Variants in CFAP61 observed in about 807,000 individuals in gnomAD.
The protein encoded by CFAP61 is cilia- and flagella-associated protein 61.
CFAP61 carries 107 observed loss-of-function variants against 135.6 expected under a neutral mutation model. The observed-to-expected ratio is 0.79, with a 90% CI of 0.67 to 0.93. CFAP61 has a LOEUF of 0.93. Among genes scored for constraint, CFAP61 ranks in the 40% least tolerant of loss-of-function variants. The probability of loss-of-function intolerance (pLI) is 0.00; values close to 1 mark genes in which losing one functional copy is unlikely to be tolerated. For missense variants in CFAP61, 1,507 were observed against 1,556.2 expected (o/e 0.97, Z 0.53); for synonymous variants, 575 against 578.5 (o/e 0.99, Z 0.09).
chr20:20,187,356 A>G (rs1467099305), intron 13 of CFAP61, among the ~76,000 whole-genome samples: 1 of 152,168 alleles, frequency 6.6e-6, no homozygotes, highest in East Asian at 1.9e-4. Flanking sequence ...GTAGGAGAAA[A>G]CCATCATGGA....
At chr20:20,135,960 G>A (rs2050890250) in intron 8 of CFAP61, among the ~76,000 whole-genome samples, 1 of 144,756 alleles carries the variant, frequency 6.9e-6, no homozygotes, top group Non-Finnish European at 1.5e-5. Flanking sequence ...GTCTAGGAAA[G>A]TCTTTATTAC....
chr20:20,071,759 C>T (rs2045722059), intron 3 of CFAP61, among the ~76,000 whole-genome samples: 1 of 152,186 alleles, frequency 6.6e-6, no homozygotes, highest in East Asian at 1.9e-4. Context: ...CACACATACA[C>T]ACACCCGTAA....
chr20:20,288,980 G>A, intron 23 of CFAP61, 44 bp downstream of exon 23: 1 of 1,518,884 alleles, frequency 6.6e-7, no homozygotes, highest in East Asian at 2.3e-5. Flanking sequence ...CCACAGATTA[G>A]GTATGGCTCA....
chr20:20,344,218 G>A (rs376235592), intron 26 of CFAP61, among the ~76,000 whole-genome samples: 16 of 152,276 alleles, frequency 1.1e-4, no homozygotes, highest in East Asian at 3.9e-4. Flanking sequence ...GTGGCCAGCC[G>A]TCCCACCTCA....
At chr20:20,279,436 A>G (rs893948595) in intron 22 of CFAP61, among the ~76,000 whole-genome samples, 15 of 152,348 alleles carry the variant, frequency 9.8e-5, no homozygotes, top group Non-Finnish European at 1.2e-4. Context: ...AGTAAACTAG[A>G]GAAAAGAAAA....
At chr20:20,059,429 C>G (rs527426362) in intron 2 of CFAP61, among the ~76,000 whole-genome samples, 1 of 149,866 alleles carries the variant, frequency 6.7e-6, no homozygotes, top group African/African-American at 2.4e-5. Context: ...CCAACCTGGC[C>G]TATATGGCAA....
chr20:20,227,843 A>C (rs1324353686), intron 17 of CFAP61, among the ~76,000 whole-genome samples: 1 of 152,222 alleles, frequency 6.6e-6, no homozygotes, highest in Admixed American at 6.5e-5. Context: ...TTTGTCACTC[A>C]AGGTTTCAGG....
chr20:20,165,235 T>C (rs998839433), intron 11 of CFAP61, among the ~76,000 whole-genome samples: 17 of 152,164 alleles, frequency 1.1e-4, no homozygotes, highest in Non-Finnish European at 2.4e-4. Flanking sequence ...CCCAGCTTTT[T>C]CCAGCCAAAG....
intron 6 of CFAP61, among the ~76,000 whole-genome samples, chr20:20,075,949 G>A (rs918634484): frequency 8.6e-5 from 13 of 151,936 alleles, no homozygotes; most frequent in South Asian, 2.1e-4. Flanking sequence ...CAGTTTTCTC[G>A]GTAAAACCCA....
intron 20 of CFAP61, among the ~76,000 whole-genome samples, chr20:20,256,322 A>G (rs963306030): frequency 6.6e-6 from 1 of 152,206 alleles, no homozygotes; most frequent in Non-Finnish European, 1.5e-5. Flanking sequence ...AAGATAACAC[A>G]GTAAGAGAAA....
intron 20 of CFAP61, among the ~76,000 whole-genome samples, chr20:20,260,962 T>C (rs1028563286): frequency 1.3e-5 from 2 of 152,220 alleles, no homozygotes; most frequent in Non-Finnish European, 2.9e-5. Context: ...GTGGGCTGCT[T>C]TATAATAACT....
chr20:20,082,978 A>G (rs998146826), intron 6 of CFAP61, among the ~76,000 whole-genome samples: 2 of 152,150 alleles, frequency 1.3e-5, no homozygotes, highest in African/African-American at 2.4e-5. Context: ...CAATCCAGCA[A>G]TCCCACTACT....
intron 21 of CFAP61, among the ~76,000 whole-genome samples, chr20:20,265,052 T>C (rs1479888044): frequency 6.6e-6 from 1 of 152,186 alleles, no homozygotes; most frequent in Non-Finnish European, 1.5e-5. Context: ...TGAGCTGTAG[T>C]TTGTAGTAAC....
intron 8 of CFAP61, among the ~76,000 whole-genome samples, chr20:20,124,272 T>C (rs1052099593): frequency 1.3e-5 from 2 of 151,764 alleles, no homozygotes; most frequent in African/African-American, 4.9e-5. Context: ...CTTCCAGTGC[T>C]ATGTTGAAGA....
intron 8 of CFAP61, among the ~76,000 whole-genome samples, chr20:20,109,669 C>T (rs1002914103): frequency 1.3e-5 from 2 of 152,198 alleles, no homozygotes; most frequent in Admixed American, 6.5e-5. Context: ...AATTTATTCT[C>T]TCCTGTAGCT....
chr20:20,200,079 C>T (rs913610885), intron 17 of CFAP61, among the ~76,000 whole-genome samples, 177 bp downstream of exon 17: 3 of 152,208 alleles, frequency 2.0e-5, no homozygotes, highest in African/African-American at 7.2e-5. Flanking sequence ...TCCCTCAAGT[C>T]GTTATTTCCC....
intron 18 of CFAP61, among the ~76,000 whole-genome samples, chr20:20,229,062 A>G (rs1652197510): frequency 6.6e-6 from 1 of 152,220 alleles, no homozygotes; most frequent in Non-Finnish European, 1.5e-5. Flanking sequence ...TTCAGGGAAT[A>G]TGGAGGCCTG....
Position 20,232,074 on chromosome 20 carries a change from C to T in CFAP61, c.2060+3698C>T, listed in dbSNP as rs540723713. On this transcript the variant is annotated intron_variant, in intron 18 of 26. Coordinates refer to ENST00000245957, the MANE Select transcript of CFAP61 (RefSeq NM_015585.4). ...ACTGGAGAAAGCAGAAAGAGCTTGG[C>T]CTCAGCCGTTAGCCCACCTCTGCTG... Among the ~76,000 whole-genome samples the T allele has an allele frequency of 2.8e-4, 43 of 152,248 alleles. No individual in the cohort carries two copies. In the South Asian group the frequency reaches 8.7e-3, roughly 31 times the overall value.
At chr20:20,247,014 C>T (rs983107725) in intron 19 of CFAP61, among the ~76,000 whole-genome samples, 2 of 152,078 alleles carry the variant, frequency 1.3e-5, no homozygotes, top group Non-Finnish European at 2.9e-5. Flanking sequence ...CCTTATGATA[C>T]AAAAAAGGGC....
Sources: gnomAD v4.1 joint callset for allele counts (sites outside exome capture counted in the v4.1 genomes callset) on GRCh38, gnomAD v4.1.1 for gene constraint, MANE v1.5 for transcripts, NCBI Gene and HGNC (gene_info 2026-07-23, HGNC 2026-07-21) for gene names.